Variants in CNTNAP2 observed in about 807,000 individuals in gnomAD.
CNTNAP2 encodes contactin-associated protein-like 2.
A neutral mutation model predicts 155.2 loss-of-function variants in CNTNAP2; 98 were observed. That is an observed-to-expected ratio of 0.63 (90% CI 0.54 to 0.75). The LOEUF is 0.75. Ranked by LOEUF, CNTNAP2 falls within the 30% of genes least tolerant of loss-of-function variation. The pLI is 0.00. For synonymous variants in CNTNAP2, 651 were observed against 631.2 expected (o/e 1.03, Z -0.47); for missense variants, 1,727 against 1,688.1 (o/e 1.02, Z -0.40).
intron 13 of CNTNAP2, among the ~76,000 whole-genome samples, chr7:147,881,148 T>TCATTTTAAAAATGAGAATTTAAAAA (rs1799514083): frequency 6.6e-6 from 1 of 152,154 alleles, no homozygotes; most frequent in Non-Finnish European, 1.5e-5. Flanking sequence ...AGATCAGTTG[T>TCATTTTAAAAATGAGAATTTAAAAA]TGAAGAATGA....
At chr7:146,566,448 A>T (rs1367431145) in intron 1 of CNTNAP2, among the ~76,000 whole-genome samples, 1 of 152,186 alleles carries the variant, frequency 6.6e-6, no homozygotes, top group East Asian at 1.9e-4. Flanking sequence ...CCACTAAAAA[A>T]GTAGAATATT....
rs547137933 is a variant in CNTNAP2, at chr7:146,398,004, G to A, written c.97+281031G>A. Among the ~76,000 whole-genome samples the A allele has an allele frequency of 2.6e-5, 4 of 151,836 alleles. No homozygotes were observed. In the South Asian group the frequency reaches 8.3e-4, roughly 32 times the overall value. Reference sequence around the variant, plus strand: ...TTCTCCCACCTCAGCCTCCCCGGTAGCTGGGACTTCAGGCACACGCCACCA... The same window carrying A: ...TTCTCCCACCTCAGCCTCCCCGGTAACTGGGACTTCAGGCACACGCCACCA... On this transcript the variant is annotated intron_variant, in intron 1 of 23. Coordinates refer to ENST00000361727, the MANE Select transcript of CNTNAP2 (RefSeq NM_014141.6).
At chr7:146,451,008 G>C (rs973290820) in intron 1 of CNTNAP2, among the ~76,000 whole-genome samples, 2 of 151,846 alleles carry the variant, frequency 1.3e-5, no homozygotes, top group African/African-American at 4.8e-5. Flanking sequence ...GTGCAGTGGC[G>C]TGGTCTTGGC....
chr7:146,529,018 G>A (rs544305182), intron 1 of CNTNAP2, among the ~76,000 whole-genome samples: 23 of 152,254 alleles, frequency 1.5e-4, no homozygotes, highest in African/African-American at 5.3e-4. Context: ...ATTTTTGAAA[G>A]GGCTGGGACA....
At chr7:147,618,622 G>A (rs2116888628) in intron 12 of CNTNAP2, among the ~76,000 whole-genome samples, 1 of 143,346 alleles carries the variant, frequency 7.0e-6, no homozygotes, top group Non-Finnish European at 1.5e-5. Flanking sequence ...AAAGAATCAG[G>A]AAACAGCTAT....
intron 15 of CNTNAP2, among the ~76,000 whole-genome samples, chr7:148,093,181 C>T (rs1803883319): frequency 1.6e-5 from 2 of 128,944 alleles, no homozygotes; most frequent in Admixed American, 1.6e-4. Flanking sequence ...TATCTGAGAG[C>T]TCTGCTAAAA....
In CNTNAP2 at chr7:148,066,119, T is replaced by C. The variant is rs548375175; in HGVS notation, c.2384-51999T>C. On this transcript the variant is annotated intron_variant, in intron 15 of 23. Transcript: ENST00000361727. ...GAGGCTAAAGATAGGGCCCCAATCCTATCTGGCTTGTAGGGTTTCTGCCGA... is the reference window on the plus strand; with the variant it reads ...GAGGCTAAAGATAGGGCCCCAATCCCATCTGGCTTGTAGGGTTTCTGCCGA... 5.3e-5 allele frequency among the ~76,000 whole-genome samples: 8 copies of C among 152,344 alleles called. No homozygotes were observed. In the South Asian group the frequency reaches 1.2e-3, roughly 24 times the overall value.
intron 1 of CNTNAP2, among the ~76,000 whole-genome samples, chr7:146,404,103 C>T (rs369096365): frequency 1.7e-5 from 2 of 118,784 alleles, no homozygotes; most frequent in East Asian, 2.3e-4. Flanking sequence ...CCAGCCTGGG[C>T]GACAGAGCGA....
chr7:146,671,911 G>T (rs758801590), intron 1 of CNTNAP2, among the ~76,000 whole-genome samples: 2 of 151,962 alleles, frequency 1.3e-5, no homozygotes, highest in African/African-American at 4.8e-5. Context: ...CGCCGCCTGG[G>T]TTCAAGCGAT....
intron 21 of CNTNAP2, among the ~76,000 whole-genome samples, chr7:148,332,075 C>T (rs76640526): frequency 0.02 from 2,961 of 151,134 alleles, 29 homozygotes; most frequent in Non-Finnish European, 0.024. Flanking sequence ...TTGCTGTCAT[C>T]GTTTTGTCAA....
At chr7:147,507,306 G>A (rs1798923771) in intron 11 of CNTNAP2, among the ~76,000 whole-genome samples, 1 of 151,468 alleles carries the variant, frequency 6.6e-6, no homozygotes, top group Non-Finnish European at 1.5e-5. Flanking sequence ...GGAGTAACAT[G>A]TGTTTAAAAA....
At chr7:146,705,635 A>C (rs344449) in intron 1 of CNTNAP2, among the ~76,000 whole-genome samples, 1 of 151,894 alleles carries the variant, frequency 6.6e-6, no homozygotes, top group African/African-American at 2.4e-5. Flanking sequence ...TGGCTGGGAG[A>C]CCTCACAATC....
At chr7:147,049,507 T>C (rs1799430921) in intron 4 of CNTNAP2, among the ~76,000 whole-genome samples, 1 of 149,200 alleles carries the variant, frequency 6.7e-6, no homozygotes, top group Admixed American at 6.7e-5. Context: ...CTTTGGATTT[T>C]TCAATGAGAA....
chr7:146,327,063 C>T (rs1036797480), intron 1 of CNTNAP2, among the ~76,000 whole-genome samples: 1 of 151,948 alleles, frequency 6.6e-6, no homozygotes, highest in Admixed American at 6.6e-5. Flanking sequence ...TAAAATCTGA[C>T]ATGGTAATAA....
chr7:147,902,598 A>G (rs1034822096), intron 13 of CNTNAP2, among the ~76,000 whole-genome samples: 5 of 152,064 alleles, frequency 3.3e-5, no homozygotes, highest in African/African-American at 1.2e-4. Context: ...TCCTTGTATC[A>G]TTCTTCTGCC....
At chr7:147,424,641 T>C in intron 10 of CNTNAP2, among the ~76,000 whole-genome samples, 1 of 152,156 alleles carries the variant, frequency 6.6e-6, no homozygotes, top group African/African-American at 2.4e-5. Context: ...GTATGTTGAC[T>C]TATCTCTCTA....
intron 1 of CNTNAP2, among the ~76,000 whole-genome samples, chr7:146,636,086 G>T (rs1413229380): frequency 6.6e-6 from 1 of 151,376 alleles, no homozygotes; most frequent in Non-Finnish European, 1.5e-5. Context: ...TAAAATGTGG[G>T]TCATAAAGGC....
chr7:146,787,371 C>T (rs756130624), intron 2 of CNTNAP2, among the ~76,000 whole-genome samples: 4 of 152,064 alleles, frequency 2.6e-5, no homozygotes, highest in Non-Finnish European at 5.9e-5. Context: ...GGAGTTTGTT[C>T]CTTCAGACGT....
At chr7:147,516,820 C>T (rs772013694) in intron 11 of CNTNAP2, among the ~76,000 whole-genome samples, 12 of 151,002 alleles carry the variant, frequency 7.9e-5, no homozygotes, top group Middle Eastern at 3.4e-3. Context: ...TTCAGAAAAC[C>T]ACAAAATGTA....
Sources: allele counts gnomAD v4.1 joint callset (sites outside exome capture counted in the v4.1 genomes callset), GRCh38; gene constraint gnomAD v4.1.1; transcripts MANE v1.5; gene names NCBI Gene and HGNC (gene_info 2026-07-23, HGNC 2026-07-21).